Variants in PBX3 observed in about 807,000 individuals in gnomAD.
PBX3 encodes the protein pre-B-cell leukemia transcription factor 3.
A neutral mutation model predicts 48.5 loss-of-function variants in PBX3; 14 were observed. The ratio of observed to expected loss-of-function variants is 0.29; its 90% confidence interval spans 0.19 to 0.45. PBX3 has a LOEUF of 0.45. PBX3 is among the 20% of genes least tolerant of loss of function. The pLI is 1.00. For missense variants in PBX3, 386 were observed against 546.7 expected (o/e 0.71, Z 2.93); for synonymous variants, 210 against 200.3 (o/e 1.05, Z -0.41).
At chr9:125,855,317 C>T (rs1839692065) in intron 2 of PBX3, among the ~76,000 whole-genome samples, 1 of 151,866 alleles carries the variant, frequency 6.6e-6, no homozygotes, top group South Asian at 2.1e-4. Flanking sequence ...TTTACAGTGA[C>T]CTAGTTTTTC....
intron 2 of PBX3, chr9:125,844,970 G>A (rs1208163912): frequency 5.9e-5 from 9 of 152,090 alleles, no homozygotes; most frequent in African/African-American, 2.2e-4. Flanking sequence ...CATATTATCA[G>A]CCTTTCAGAT....
intron 4 of PBX3, among the ~76,000 whole-genome samples, chr9:125,932,441 C>CA (rs1564179299): frequency 6.6e-6 from 1 of 152,198 alleles, no homozygotes; most frequent in Non-Finnish European, 1.5e-5. Flanking sequence ...TTGAAAGCAA[C>CA]AGCCAAGACT....
chr9:125,883,622 G>A (rs573925460), intron 2 of PBX3, among the ~76,000 whole-genome samples: 2 of 150,838 alleles, frequency 1.3e-5, no homozygotes, highest in South Asian at 2.1e-4. Flanking sequence ...TTCTGGGCAC[G>A]CTGATCCCAG....
chr9:125,848,658 G>A (rs1839495420), intron 2 of PBX3, among the ~76,000 whole-genome samples: 6 of 151,978 alleles, frequency 3.9e-5, no homozygotes, highest in Admixed American at 1.3e-4. Context: ...CAGAAATTAA[G>A]TTTATTGAAA....
At chr9:125,823,220 AT>A (rs1442739069) in intron 2 of PBX3, among the ~76,000 whole-genome samples, 36 of 152,312 alleles carry the variant, frequency 2.4e-4, no homozygotes, top group Admixed American at 2.2e-3. Flanking sequence ...ATTGCTGTTG[AT>A]TATTGACATT....
chr9:125,825,804 A>G (rs1254997337), intron 2 of PBX3, among the ~76,000 whole-genome samples: 1 of 152,176 alleles, frequency 6.6e-6, no homozygotes, highest in Non-Finnish European at 1.5e-5. Context: ...TGTATTGCTA[A>G]CAAGTGTCCA....
chr9:125,879,079 T>TC (rs1840321480), intron 2 of PBX3, among the ~76,000 whole-genome samples: 1 of 138,790 alleles, frequency 7.2e-6, no homozygotes, highest in East Asian at 2.8e-4. Flanking sequence ...ATGCTATTCT[T>TC]TTTTTTTTTT....
chr9:125,904,317 C>T (rs1841019270), intron 2 of PBX3, among the ~76,000 whole-genome samples: 2 of 151,974 alleles, frequency 1.3e-5, no homozygotes, highest in South Asian at 2.1e-4. Context: ...TATAGCACAG[C>T]TCTTGTTGAA....
intron 2 of PBX3, among the ~76,000 whole-genome samples, chr9:125,874,318 G>A (rs1369643885): frequency 6.6e-6 from 1 of 152,016 alleles, no homozygotes; most frequent in Non-Finnish European, 1.5e-5. Context: ...AAACAAAAGT[G>A]TACTCTAAAA....
chr9:125,853,580 G>A (rs1460834086), intron 2 of PBX3, among the ~76,000 whole-genome samples: 1 of 152,174 alleles, frequency 6.6e-6, no homozygotes, highest in East Asian at 1.9e-4. Flanking sequence ...ACTTTTGGAT[G>A]ACTTTAGGTG....
At chr9:125,874,911 T>C (rs926767090) in intron 2 of PBX3, among the ~76,000 whole-genome samples, 13 of 152,132 alleles carry the variant, frequency 8.5e-5, no homozygotes, top group Non-Finnish European at 1.3e-4. Flanking sequence ...TTGTTTAACA[T>C]AGCAAAAAAG....
chr9:125,899,374 T>C (rs1437157394), intron 2 of PBX3, among the ~76,000 whole-genome samples: 1 of 129,592 alleles, frequency 7.7e-6, no homozygotes, highest in African/African-American at 2.7e-5. Context: ...TATACATATA[T>C]GTATATATTT....
chr9:125,889,944 G>T (rs971330056), intron 2 of PBX3, among the ~76,000 whole-genome samples: 3 of 151,102 alleles, frequency 2.0e-5, no homozygotes, highest in Non-Finnish European at 3.0e-5. Context: ...CCCCGCGCCG[G>T]CGGCCCCGGC....
At chr9:125,786,647 A>G (rs1837464240) in intron 2 of PBX3, among the ~76,000 whole-genome samples, 1 of 152,130 alleles carries the variant, frequency 6.6e-6, no homozygotes. Context: ...GAGCACAAAT[A>G]GAGTTGGCTT....
intron 2 of PBX3, among the ~76,000 whole-genome samples, chr9:125,862,749 T>C (rs1839891008): frequency 6.6e-6 from 1 of 152,150 alleles, no homozygotes; most frequent in Non-Finnish European, 1.5e-5. Context: ...AAGGATGATA[T>C]TGTATGGAAA....
intron 2 of PBX3, among the ~76,000 whole-genome samples, chr9:125,857,547 A>G (rs529482259): frequency 6.6e-6 from 1 of 152,256 alleles, no homozygotes; most frequent in Non-Finnish European, 1.5e-5. Flanking sequence ...TACATATTTT[A>G]AGACTTTTCT....
intron 2 of PBX3, among the ~76,000 whole-genome samples, chr9:125,856,584 A>G (rs983250017): frequency 6.6e-6 from 1 of 152,236 alleles, no homozygotes; most frequent in African/African-American, 2.4e-5. Context: ...GACAACTGCT[A>G]GACAAGCAGT....
chr9:125,913,258 G>A, intron 2 of PBX3, among the ~76,000 whole-genome samples: 1 of 152,002 alleles, frequency 6.6e-6, no homozygotes, highest in East Asian at 1.9e-4. Flanking sequence ...AATTTATAAA[G>A]TAAATACAAA....
chr9:125,876,251 G>T (rs1036431762), intron 2 of PBX3, among the ~76,000 whole-genome samples: 6 of 152,022 alleles, frequency 3.9e-5, no homozygotes, highest in African/African-American at 9.7e-5. Flanking sequence ...AGTTATTTAA[G>T]AATGGAATTA....
Sources: gnomAD v4.1 joint callset for allele counts (sites outside exome capture counted in the v4.1 genomes callset) on GRCh38, gnomAD v4.1.1 for gene constraint, MANE v1.5 for transcripts, NCBI Gene and HGNC (gene_info 2026-07-23, HGNC 2026-07-21) for gene names.